The following PDGFB variants were observed in gnomAD, a reference collection of about 807,000 sequenced individuals.
PDGFB encodes the protein platelet derived growth factor subunit B.
PDGFB carries 6 observed loss-of-function variants against 29.0 expected under a neutral mutation model. The observed-to-expected ratio is 0.21, with a 90% CI of 0.11 to 0.41. The LOEUF (loss-of-function observed/expected upper bound fraction) is 0.41, where lower values mean the gene tolerates loss of function less well. Ranked by LOEUF, PDGFB falls within the 10% of genes least tolerant of loss-of-function variation. The pLI, the probability that PDGFB is intolerant of heterozygous loss-of-function variation, is 1.00. For missense variants in PDGFB, 299 were observed against 341.8 expected, an observed-to-expected ratio of 0.87 and a Z score of 0.99; for synonymous variants, 144 against 140.8, an observed-to-expected ratio of 1.02 and a Z score of -0.16.
At chr22:39,227,101 G>C (rs1932186800) in intron 5 of PDGFB, among the ~76,000 whole-genome samples, 1 of 152,256 alleles carries the variant, frequency 6.6e-6, no homozygotes, top group African/African-American at 2.4e-5. Context: ...TGGGATTACA[G>C]GCATGCACCA....
rs540617361 is a variant in PDGFB at position 39,225,762 on chromosome 22, C to A, written c.687G>T (p.Thr229=). The A allele has an allele frequency of 1.2e-6, 2 of 1,614,170 alleles. No individual in the cohort carries two copies. The highest frequency in any genetic ancestry group is 1.3e-5 in the African/African-American group (1 of 75,060). Residue 229 remains threonine (T), a synonymous_variant, in exon 6 of 7, where the codon ACG becomes ACT. Transcript: ENST00000331163. ...TCTCCTTCAGTGCCGTCTTGTCATGCGTGTGCTTGAATTTCCGGTGCTTGC... is the reference window on the plus strand; with the variant it reads ...TCTCCTTCAGTGCCGTCTTGTCATGAGTGTGCTTGAATTTCCGGTGCTTGC... ...PKGKHRKFKH[T]HDKTALKETL...
In PDGFB at chr22:39,244,212, C is replaced by G. The variant is rs1476446916; in HGVS notation, c.-249G>C. 2 of 259,208 alleles carry G rather than the reference C, an allele frequency of 7.7e-6. No individual in the cohort carries two copies. The highest frequency in any genetic ancestry group is 1.5e-5 in the Non-Finnish European group (2 of 136,718). 16.1% of individuals were successfully genotyped at this position (259,208 alleles called of 1,614,324 possible). On this transcript the variant is annotated 5_prime_UTR_variant, in exon 1 of 7. Coordinates refer to ENST00000331163, the MANE Select transcript of PDGFB (RefSeq NM_002608.4). The surrounding 1 kb of genome is among the most constrained non-coding windows in gnomAD (Gnocchi z 4.5). ...CCTGGGTCCGAGGCCGCTACCTGGG[C>G]GGATCCCGAGCCCGAGTGAGCATCC...
rs148994048 is a variant in PDGFB at position 39,236,492 on chromosome 22, C to T, written c.64-618G>A. ...GAGGCGAAAAGGGAATCCTCGGACA[C>T]GGCCGGGAAACCTGAAAGCTTACCC... On this transcript the variant is annotated intron_variant, in intron 1 of 6. Coordinates refer to ENST00000331163, the MANE Select transcript of PDGFB (RefSeq NM_002608.4). Among the ~76,000 whole-genome samples the T allele has an allele frequency of 3.2e-3, 482 of 152,358 alleles. 4 individuals carry two copies. The highest frequency in any genetic ancestry group is 0.02 in the Middle Eastern group (6 of 294).
chr22:39,227,306 C>T (rs961722149), intron 5 of PDGFB, among the ~76,000 whole-genome samples: 7 of 152,150 alleles, frequency 4.6e-5, no homozygotes, highest in Admixed American at 4.6e-4. Context: ...GTTGGCCAGG[C>T]TGGTCTTGAA....
chr22:39,228,893 A>AAAAAAAAATATATATATAT lies in PDGFB; in HGVS notation c.601+1190_601+1191insATATATATATATTTTTTTT, dbSNP rs1184799325. Among the ~76,000 whole-genome samples, 50 of 132,614 alleles carry AAAAAAAAATATATATATAT rather than the reference A, an allele frequency of 3.8e-4. 1 individual carries two copies. Among genetic ancestry groups the AAAAAAAAATATATATATAT allele is most frequent in the South Asian group, 1.7e-3 (7 of 4,098 alleles). The allele number at this position is 132,614 out of a possible 152,430, so 87.0% of individuals were successfully genotyped here. A position where few individuals can be genotyped will look rare whatever the true frequency, so the allele number is the denominator to read the frequency against. On this transcript the variant is annotated intron_variant, in intron 5 of 6. Transcript: ENST00000331163. Reference sequence around the variant, plus strand: ...GACAGGGTGAGACTGCCTCAAAAAAAATATATATATATATAGATATATATA... The same window carrying AAAAAAAAATATATATATAT: ...GACAGGGTGAGACTGCCTCAAAAAAAAAAAAAAATATATATATATATATATATATATATAGATATATATA...
At chr22:39,241,047 T>A in intron 1 of PDGFB, 2 of 718,740 alleles carry the variant, frequency 2.8e-6, no homozygotes, top group Non-Finnish European at 4.9e-6. Flanking sequence ...GTTGGTCTCC[T>A]GCCCCCTAGG....
chr22:39,238,747 C>T (rs997501165), intron 1 of PDGFB, among the ~76,000 whole-genome samples: 11 of 152,240 alleles, frequency 7.2e-5, no homozygotes, highest in African/African-American at 2.4e-4. Flanking sequence ...ACACAAGGTT[C>T]GTGTTGGCTC....
intron 1 of PDGFB, 84 bp from the exon 2 acceptor site, chr22:39,235,958 G>A (rs56180415): frequency 6.6e-6 from 6 of 902,358 alleles, no homozygotes; most frequent in East Asian, 2.6e-5. Flanking sequence ...ACGCTTTCTC[G>A]CTTTCTCCTG....
At position 39,242,895 on chromosome 22, in the gene PDGFB, G is replaced by C. The variant is rs968878840; in HGVS notation, c.63+1006C>G. 2 of 232,804 alleles carry C rather than the reference G, an allele frequency of 8.6e-6. No individual in the cohort carries two copies. The highest frequency in any genetic ancestry group is 4.4e-5 in the African/African-American group (2 of 45,310). The allele number at this position is 232,804 out of a possible 1,614,324, so 14.4% of individuals were successfully genotyped here. On this transcript the variant is annotated intron_variant, in intron 1 of 6. Transcript: ENST00000331163. The surrounding 1 kb of genome is among the most constrained non-coding windows in gnomAD (Gnocchi z 5.7). ...GCTGCCCTCTCCTCCCCTCCACCGC[G>C]CGCGTCGTCCTGCCCCGCCCCCTTT... is the stretch of plus-strand genomic sequence containing the variant.
intron 5 of PDGFB, 94 bp downstream of exon 5, chr22:39,229,990 C>A (rs1932257561): frequency 1.4e-6 from 2 of 1,385,418 alleles, no homozygotes; most frequent in Non-Finnish European, 2.0e-6. Flanking sequence ...TAACCGGGGG[C>A]GGGCCTGATC....
At chr22:39,240,712 G>T in intron 1 of PDGFB, 1 of 939,892 alleles carries the variant, frequency 1.1e-6, no homozygotes, top group Non-Finnish European at 1.7e-6. Flanking sequence ...TGGGGACCAG[G>T]AGGAAAGCTC....
chr22:39,227,736 G>C (rs1478756711), intron 5 of PDGFB, among the ~76,000 whole-genome samples: 1 of 152,172 alleles, frequency 6.6e-6, no homozygotes, highest in Non-Finnish European at 1.5e-5. Flanking sequence ...TGGCCACCCT[G>C]GCAGGGACAG....
rs906219310 is a variant in PDGFB at position 39,244,594 on chromosome 22, C to A, written c.-631G>T. The A allele has an allele frequency of 1.3e-5, 2 of 150,534 alleles. No individual in the cohort carries two copies. Among genetic ancestry groups the A allele is most frequent in the African/African-American group, 4.9e-5 (2 of 40,968 alleles). 9.3% of individuals were successfully genotyped at this position (150,534 alleles called of 1,614,324 possible). A position where few individuals can be genotyped will look rare whatever the true frequency, so the allele number is the denominator to read the frequency against. On this transcript the variant is annotated 5_prime_UTR_variant, in exon 1 of 7. Transcript: ENST00000331163. The surrounding 1 kb of genome is among the most constrained non-coding windows in gnomAD (Gnocchi z 4.5). ...TGTGCGCCCTGGCGCGGGGCCCGGG[C>A]GGCGGGCACGGCTGCTCCGCGCGCG...
At position 39,243,668 on chromosome 22, in the gene PDGFB, C is replaced by G. The variant is rs1932624483; in HGVS notation, c.63+233G>C. Among the ~76,000 whole-genome samples, 1 of 152,170 alleles carries G rather than the reference C, an allele frequency of 6.6e-6. No individual in the cohort carries two copies. Among genetic ancestry groups the G allele is most frequent in the African/African-American group, 2.4e-5 (1 of 41,442 alleles). Reference sequence around the variant, plus strand: ...CACACCCTCCCCCGACACGGAACGGCTTAGGGAGCCAGATTCGCCCGCCGG... The same window carrying G: ...CACACCCTCCCCCGACACGGAACGGGTTAGGGAGCCAGATTCGCCCGCCGG... On this transcript the variant is annotated intron_variant, in intron 1 of 6. Transcript: ENST00000331163. This position sits in a 1 kb window ranked among gnomAD's most constrained non-coding sequence, Gnocchi z 6.4.
At position 39,231,570 on chromosome 22, in the gene PDGFB, G is replaced by A. The variant is rs954416630; in HGVS notation, c.456+52C>T. The A allele has an allele frequency of 1.6e-5, 22 of 1,354,620 alleles. No homozygotes were observed. Among genetic ancestry groups the A allele is most frequent in the Middle Eastern group, 2.5e-4 (1 of 3,924 alleles). The allele number at this position is 1,354,620 out of a possible 1,614,324, so 83.9% of individuals were successfully genotyped here. A position where few individuals can be genotyped will look rare whatever the true frequency, so the allele number is the denominator to read the frequency against. On this transcript the variant is annotated intron_variant, in intron 4 of 6. Coordinates refer to ENST00000331163, the MANE Select transcript of PDGFB (RefSeq NM_002608.4). The surrounding 1 kb of genome is among the most constrained non-coding windows in gnomAD (Gnocchi z 4.3). ...GGTCAGGTATGAGCCCCAGAAGGGT[G>A]GTCTCCACCCACCACCGGGACCAGC...
chr22:39,242,019 G>A lies in PDGFB; in HGVS notation c.63+1882C>T, dbSNP rs1479371167. 6.6e-6 allele frequency among the ~76,000 whole-genome samples: 1 copy of A among 152,188 alleles called. No homozygotes were observed. Among genetic ancestry groups the A allele is most frequent in the Non-Finnish European group, 1.5e-5 (1 of 68,024 alleles). ...GTGGTGAGGTGCCAGGGCCCACGGA[G>A]GGCCCACCTGTTGCGCGGGGGCGAG... On this transcript the variant is annotated intron_variant, in intron 1 of 6. Transcript: ENST00000331163. This position sits in a 1 kb window ranked among gnomAD's most constrained non-coding sequence, Gnocchi z 5.7.
At chr22:39,230,511 G>A (rs1296983614) in intron 4 of PDGFB, among the ~76,000 whole-genome samples, 2 of 152,258 alleles carry the variant, frequency 1.3e-5, no homozygotes, top group Non-Finnish European at 2.9e-5. Flanking sequence ...TTGAGCTGGG[G>A]CCTGCGGTAT....
intron 5 of PDGFB, among the ~76,000 whole-genome samples, chr22:39,227,542 G>A (rs576608667): frequency 6.8e-6 from 1 of 146,206 alleles, no homozygotes; most frequent in South Asian, 2.1e-4. Flanking sequence ...GGCAGGTGCT[G>A]TTACCGGCAG....
At position 39,225,716 on chromosome 22, in the gene PDGFB, G is replaced by T. The variant is rs371093482; in HGVS notation, c.*7C>A. 6.2e-7 allele frequency: 1 copy of T among 1,612,682 alleles called. No individual in the cohort carries two copies. The highest frequency in any genetic ancestry group is 1.3e-5 in the African/African-American group (1 of 74,868). On this transcript the variant is annotated 3_prime_UTR_variant, in exon 6 of 7. Coordinates refer to ENST00000331163, the MANE Select transcript of PDGFB (RefSeq NM_002608.4). ...TCACCTGCCCACACACTCTCCTGCC[G>T]ATGCCCCTAGGCTCCAAGGGTCTCC...
Sources: allele counts gnomAD v4.1 joint callset (sites outside exome capture counted in the v4.1 genomes callset), GRCh38; gene constraint gnomAD v4.1.1; non-coding constraint Gnocchi (gnomAD v3.1); transcripts MANE v1.5; gene names NCBI Gene and HGNC (gene_info 2026-07-23, HGNC 2026-07-21).